SLC27A5: variants seen among roughly 807,000 people sequenced by gnomAD.
The protein encoded by SLC27A5 is long-chain fatty acid transport protein 5.
SLC27A5 carries 47 observed loss-of-function variants against 63.1 expected under a neutral mutation model. The ratio of observed to expected loss-of-function variants is 0.74; its 90% CI spans 0.59 to 0.95. The LOEUF is 0.95. Ranked by LOEUF, SLC27A5 falls within the 40% of genes least tolerant of loss-of-function variation. The pLI is 0.00. For synonymous variants in SLC27A5, 391 were observed against 403.8 expected (o/e 0.97, Z 0.38); for missense variants, 940 against 921.0 (o/e 1.02, Z -0.27).
intron 3 of SLC27A5, among the ~76,000 whole-genome samples, chr19:58,506,941 C>G (rs889860693): frequency 1.3e-5 from 2 of 151,794 alleles, no homozygotes; most frequent in African/African-American, 4.8e-5. Context: ...ACAGATTTCA[C>G]TATGTTGACC....
intron 4 of SLC27A5, chr19:58,501,025 A>G: frequency 8.2e-7 from 1 of 1,221,156 alleles, no homozygotes; most frequent in Non-Finnish European, 1.0e-6. Context: ...ATTTTAATTA[A>G]TTAATTTTTA....
At chr19:58,504,225 T>A (rs913495457) in intron 3 of SLC27A5, among the ~76,000 whole-genome samples, 2 of 152,244 alleles carry the variant, frequency 1.3e-5, no homozygotes, top group Non-Finnish European at 2.9e-5. Context: ...CATATGATAT[T>A]AATGTTGTTA....
intron 4 of SLC27A5, 42 bp from the exon 5 acceptor site, chr19:58,500,748 G>A: frequency 6.3e-7 from 1 of 1,596,954 alleles, no homozygotes; most frequent in Admixed American, 1.7e-5. Flanking sequence ...AGGTGCTCTT[G>A]GGGCATGCCT....
chr19:58,511,514 G>C lies in SLC27A5; in HGVS notation c.442C>G (p.Leu148Val), dbSNP rs377476196. The change falls in exon 1 of 10, where the codon CTG becomes GTG. Residue 148 changes from leucine (L) to valine (V), a missense_variant. Leu to Val is a conservative substitution (Grantham distance 32). Coordinates refer to ENST00000263093, the MANE Select transcript of SLC27A5 (RefSeq NM_012254.3). ...GCCGCCTGGCAGGCCCGGGCATCCAGCTCACCAAAGGTGACTGAGCCGGCC... is the reference window on the plus strand; with the variant it reads ...GCCGCCTGGCAGGCCCGGGCATCCACCTCACCAAAGGTGACTGAGCCGGCC... ...PGAGSVTFGE[L>V]DARACQAAWA... is the part of the protein sequence containing the mutation. 4 of 1,571,502 alleles carry C rather than the reference G, an allele frequency of 2.5e-6. No homozygotes were observed. The African/African-American group carries it at 4.1e-5, about 16-fold the overall frequency.
chr19:58,498,837 T>C lies in SLC27A5; in HGVS notation c.1844A>G (p.His615Arg). The C allele has an allele frequency of 1.2e-6, 2 of 1,613,994 alleles. No homozygotes were observed. Among genetic ancestry groups the C allele is most frequent in the South Asian group, 1.1e-5 (1 of 91,084 alleles). Residue 615 changes from histidine to arginine, a missense_variant, in exon 9 of 10, where the codon CAC (histidine) becomes CGC (arginine). Physicochemically the swap from His to Arg is conservative, Grantham distance 29. Transcript: ENST00000263093. ...QTFDGEKLYQ[H>R]VRAWLPAYAT... ...GTAGGCAGGGAGCCAAGCGCGAACG[T>C]GCTGGTACAACTTCTCCCCGTCGAA...
At chr19:58,506,399 G>C (rs1009993899) in intron 3 of SLC27A5, among the ~76,000 whole-genome samples, 18 of 152,282 alleles carry the variant, frequency 1.2e-4, no homozygotes, top group Middle Eastern at 3.4e-3. Flanking sequence ...GCCAGGTGTG[G>C]AGGCGCATGC....
intron 5 of SLC27A5, 27 bp from the exon 6 acceptor site, chr19:58,500,456 T>C: frequency 6.2e-7 from 1 of 1,613,742 alleles, no homozygotes; most frequent in East Asian, 2.2e-5. Flanking sequence ...AGTGTTGACA[T>C]AGGTCCTGTG....
chr19:58,510,823 C>G lies in SLC27A5; in HGVS notation c.796G>C (p.Ala266Pro), dbSNP rs767941499. 2 of 1,612,974 alleles carry G rather than the reference C, an allele frequency of 1.2e-6. No homozygotes were observed. The highest frequency in any genetic ancestry group is 2.7e-5 in the African/African-American group (2 of 74,854). The change falls in exon 2 of 10, where the codon GCT (alanine) becomes CCT (proline). Residue 266 changes from alanine to proline, a missense_variant. Coordinates refer to ENST00000263093, the MANE Select transcript of SLC27A5 (RefSeq NM_012254.3). ...TGGGAGGGCGCTGCATCCAGGGCAG[C>G]CCCCAGAGCCCCCACCCCTGGTGTA... ...SPTPGVGALG[A>P]ALDAAPSHPV...
intron 3 of SLC27A5, chr19:58,508,251 C>G (rs142367921): frequency 6.6e-6 from 1 of 152,164 alleles, no homozygotes; most frequent in Non-Finnish European, 1.5e-5. Flanking sequence ...CCAGCACTTA[C>G]GGAAAATAGA....
chr19:58,499,682 C>A lies in SLC27A5; in HGVS notation c.1477G>T (p.Gly493Trp). 6.2e-7 allele frequency: 1 copy of A among 1,611,398 alleles called. No homozygotes were observed. The highest frequency in any genetic ancestry group is 8.5e-7 in the Non-Finnish European group (1 of 1,179,980). The change falls in exon 7 of 10, where the codon GGG becomes TGG. Residue 493 changes from glycine (G) to tryptophan (W), a missense_variant. Physicochemically the swap from Gly to Trp is radical, Grantham distance 184. Transcript: ENST00000263093. ...FCIPVGLGEPGLLLTKVVSQQ... is the reference protein window; with the variant it reads ...FCIPVGLGEPWLLLTKVVSQQ... ...CTTACCACCTTGGTCAGCAGCAGCC[C>A]CGGCTCCCCTGGGGTAGGAGCAGGA...
chr19:58,506,108 TA>T (rs2053343809), intron 3 of SLC27A5, among the ~76,000 whole-genome samples: 1 of 151,638 alleles, frequency 6.6e-6, no homozygotes, highest in African/African-American at 2.4e-5. Flanking sequence ...TTTTTTTTTT[TA>T]ACAGATGGAC....
In SLC27A5 at chr19:58,501,314, A is replaced by G; in HGVS notation, c.1154T>C (p.Leu385Pro). 1 of 1,613,764 alleles carries G rather than the reference A, an allele frequency of 6.2e-7. No individual in the cohort carries two copies. Among genetic ancestry groups the G allele is most frequent in the South Asian group, 1.1e-5 (1 of 91,076 alleles). ...GGGAATGTTACACAAGTACCGCAGG[A>G]GCTCGCCCACATACAGGATCACTGT... is the stretch of plus-strand genomic sequence containing the variant. ...GVTVILYVGE[L>P]LRYLCNIPQQ... The change falls in exon 4 of 10, where the codon CTC becomes CCC. Residue 385 changes from leucine to proline, a missense_variant. Physicochemically the swap from Leu to Pro is moderately conservative, Grantham distance 98 (BLOSUM62 -3). Coordinates refer to ENST00000263093, the MANE Select transcript of SLC27A5 (RefSeq NM_012254.3).
chr19:58,501,237 G>C (rs763244186), intron 4 of SLC27A5, 49 bp downstream of exon 4: 12 of 1,591,354 alleles, frequency 7.5e-6, no homozygotes, highest in Non-Finnish European at 1.0e-5. Flanking sequence ...CTTTACCTGG[G>C]ATTTCATACT....
chr19:58,509,822 G>A (rs762861669), intron 3 of SLC27A5, 25 bp downstream of exon 3: 46 of 1,602,616 alleles, frequency 2.9e-5, no homozygotes, highest in Non-Finnish European at 3.5e-5. Flanking sequence ...CTGTAGACTG[G>A]AGGGATCCTC....
chr19:58,511,767 C>G lies in SLC27A5; in HGVS notation c.189G>C (p.Gly63=). 1 of 1,552,862 alleles carries G rather than the reference C, an allele frequency of 6.4e-7. No homozygotes were observed. The highest frequency in any genetic ancestry group is 1.2e-5 in the South Asian group (1 of 84,462). ...CCAGGGCCGCAGCTGCCAGGCTCAGCCCATGGGGCACCCAGGGGCCGAGCC... is the reference window on the plus strand; with the variant it reads ...CCAGGGCCGCAGCTGCCAGGCTCAGGCCATGGGGCACCCAGGGGCCGAGCC... ...RPWLGPWVPH[G]LSLAAAALAL... The change falls in exon 1 of 10, where the codon GGG becomes GGC. Residue 63 remains glycine, a synonymous_variant. Transcript: ENST00000263093.
At chr19:58,509,697 G>A (rs1286068373) in intron 3 of SLC27A5, 150 bp downstream of exon 3, 12 of 668,296 alleles carry the variant, frequency 1.8e-5, no homozygotes, top group Admixed American at 3.2e-5. Flanking sequence ...CTGTCCATGC[G>A]GCCCTGGTAG....
intron 3 of SLC27A5, chr19:58,509,621 C>G: frequency 4.5e-6 from 2 of 442,478 alleles, no homozygotes; most frequent in Non-Finnish European, 8.1e-6. Flanking sequence ...GACCATCACT[C>G]GTATCAGGTC....
rs146267408 is a variant in SLC27A5 at position 58,500,502 on chromosome 19, G to A, written c.1377+10C>T. The A allele has an allele frequency of 3.4e-4, 544 of 1,613,726 alleles. 3 individuals carry two copies. The South Asian group carries it at 3.9e-3, about 12-fold the overall frequency. On this transcript the variant is annotated intron_variant, in intron 5 of 9. Transcript: ENST00000263093. ...CAGGGCAGCTGCACACCAGGTACCCGCACACTCACTCGGAGGAGGCAGCTC... is the reference window on the plus strand; with the variant it reads ...CAGGGCAGCTGCACACCAGGTACCCACACACTCACTCGGAGGAGGCAGCTC...
In SLC27A5 at chr19:58,511,562, G is replaced by A. The variant is rs1227560012; in HGVS notation, c.394C>T (p.Leu132Phe). ...GCCCCAGGCCCCGTCCACACCAAGAGTGCCCTGCCAGGCTGCGCTCGTGCT... is the reference window on the plus strand; with the variant it reads ...GCCCCAGGCCCCGTCCACACCAAGAATGCCCTGCCAGGCTGCGCTCGTGCT... ...RRARAQPGRALLVWTGPGAGS... is the reference protein window; with the variant it reads ...RRARAQPGRAFLVWTGPGAGS... The change falls in exon 1 of 10, where the codon CTC (leucine) becomes TTC (phenylalanine). Residue 132 changes from leucine (L) to phenylalanine (F), a missense_variant. Physicochemically the swap from Leu to Phe is conservative, Grantham distance 22. Transcript: ENST00000263093. 6.4e-7 allele frequency: 1 copy of A among 1,564,624 alleles called. No homozygotes were observed. Among genetic ancestry groups the A allele is most frequent in the South Asian group, 1.2e-5 (1 of 86,068 alleles).
Sources: gnomAD v4.1 joint callset for allele counts (sites outside exome capture counted in the v4.1 genomes callset) on GRCh38, gnomAD v4.1.1 for gene constraint, MANE v1.5 for transcripts, NCBI Gene and HGNC (gene_info 2026-07-23, HGNC 2026-07-21) for gene names.